The following KIF13A variants were observed in gnomAD, a reference collection of about 807,000 sequenced individuals.
KIF13A encodes kinesin family member 13A, also known as kinesin-like protein KIF13A.
A neutral mutation model predicts 212.2 loss-of-function variants in KIF13A; 79 were observed. The ratio of observed to expected loss-of-function variants is 0.37; its 90% CI spans 0.31 to 0.45. The LOEUF (loss-of-function observed/expected upper bound fraction) is 0.45. Among genes scored for constraint, KIF13A ranks in the 20% least tolerant of loss-of-function variants. KIF13A has a pLI of 1.00. For missense variants in KIF13A, 1,901 were observed against 2,209.0 expected, an observed-to-expected ratio of 0.86 and a Z score of 2.79; for synonymous variants, 789 against 808.6, an observed-to-expected ratio of 0.98 and a Z score of 0.41.
intron 4 of KIF13A, among the ~76,000 whole-genome samples, chr6:17,859,731 G>A (rs1487351804): frequency 1.3e-5 from 2 of 149,662 alleles, no homozygotes; most frequent in Non-Finnish European, 3.0e-5. Flanking sequence ...CACCTCTCGT[G>A]TTCAAGTGAT....
At chr6:17,803,968 C>T (rs1293339800) in intron 20 of KIF13A, among the ~76,000 whole-genome samples, 8 of 152,120 alleles carry the variant, frequency 5.3e-5, no homozygotes, top group Admixed American at 2.0e-4. Flanking sequence ...CTGGCTAACA[C>T]GGTGAAACCC....
At chr6:17,970,325 G>A (rs1157814585) in intron 2 of KIF13A, among the ~76,000 whole-genome samples, 1 of 152,042 alleles carries the variant, frequency 6.6e-6, no homozygotes, top group African/African-American at 2.4e-5. Flanking sequence ...AAGCAGGCCG[G>A]GCATGGTGAC....
At chr6:17,933,336 T>A (rs901307440) in intron 2 of KIF13A, among the ~76,000 whole-genome samples, 1 of 151,290 alleles carries the variant, frequency 6.6e-6, no homozygotes, top group Non-Finnish European at 1.5e-5. Flanking sequence ...AGCCTCAACC[T>A]CCTGAGCTCA....
Position 17,785,519 on chromosome 6 carries a change from C to A in KIF13A, c.3484G>T (p.Asp1162Tyr), listed in dbSNP as rs547479559. Residue 1162 changes from aspartate to tyrosine, a missense_variant, in exon 28 of 39, where the codon GAC becomes TAC. Coordinates refer to ENST00000259711, the MANE Select transcript of KIF13A (RefSeq NM_022113.6). This position sits in a 1 kb window ranked among gnomAD's most constrained non-coding sequence, Gnocchi z 5.8. Reference sequence around the variant, plus strand: ...CAGAAGGGAGGGCAGCCTTACCAGTCGGCAGGTGCCCCAGGAATCCCACTG... The same window carrying A: ...CAGAAGGGAGGGCAGCCTTACCAGTAGGCAGGTGCCCCAGGAATCCCACTG... ...PGSGIPGAPA[D>Y]WIPPPGMETH... 6.4e-7 allele frequency: 1 copy of A among 1,571,796 alleles called. No individual in the cohort carries two copies. The highest frequency in any genetic ancestry group is 1.2e-5 in the South Asian group (1 of 82,992).
At chr6:17,969,564 T>C (rs1295423601) in intron 2 of KIF13A, among the ~76,000 whole-genome samples, 1 of 152,254 alleles carries the variant, frequency 6.6e-6, no homozygotes, top group African/African-American at 2.4e-5. Context: ...ACTTTTATTT[T>C]TCTTCCTGAG....
chr6:17,850,294 C>T lies in KIF13A; in HGVS notation c.717+29G>A. The T allele has an allele frequency of 6.3e-7, 1 of 1,581,448 alleles. No individual in the cohort carries two copies. The highest frequency in any genetic ancestry group is 8.6e-7 in the Non-Finnish European group (1 of 1,160,904). ...GACACTTTCAGTTCTTCCACCCCCA[C>T]TCCAAAAAGGTTCTGCCTAATCCCT... On this transcript the variant is annotated intron_variant, in intron 8 of 38. Transcript: ENST00000259711. The surrounding 1 kb of genome is among the most constrained non-coding windows in gnomAD (Gnocchi z 6.2).
At chr6:17,796,483 C>T (rs1177299403) in intron 23 of KIF13A, among the ~76,000 whole-genome samples, 186 bp downstream of exon 23, 7 of 151,180 alleles carry the variant, frequency 4.6e-5, no homozygotes, top group African/African-American at 1.5e-4. Flanking sequence ...CCTCATGATC[C>T]GTCTGCCTTG....
rs1366661094 is a variant in KIF13A at position 17,900,934 on chromosome 6, C to T, written c.147-2754G>A. 9.2e-5 allele frequency among the ~76,000 whole-genome samples: 14 copies of T among 151,952 alleles called. No individual in the cohort carries two copies. The highest frequency in any genetic ancestry group is 2.7e-4 in the African/African-American group (11 of 41,438). On this transcript the variant is annotated intron_variant, in intron 2 of 38. Transcript: ENST00000259711. The surrounding 1 kb of genome is among the most constrained non-coding windows in gnomAD (Gnocchi z 4.6). ...TCTACTAAAAATACAAAAAATTAGC[C>T]GGGCGTGGTGGCGGGTGCCTGTAGT...
chr6:17,870,761 T>C (rs1252559681), intron 4 of KIF13A, among the ~76,000 whole-genome samples: 2 of 150,852 alleles, frequency 1.3e-5, no homozygotes, highest in Non-Finnish European at 2.9e-5. Flanking sequence ...AATCTTAACT[T>C]TGCAGCTGGG....
intron 4 of KIF13A, among the ~76,000 whole-genome samples, chr6:17,865,337 A>AAC (rs1198595911): frequency 1.3e-5 from 2 of 151,256 alleles, no homozygotes; most frequent in Admixed American, 6.6e-5. Context: ...AAAAAAAAAA[A>AAC]ATAAAGGCTG....
intron 16 of KIF13A, among the ~76,000 whole-genome samples, chr6:17,821,343 T>A (rs114439223): frequency 0.017 from 2,580 of 152,286 alleles, 83 homozygotes; most frequent in African/African-American, 0.058. Flanking sequence ...ACTAAAAAAA[T>A]ACATTAATCT....
At chr6:17,965,755 C>G (rs1779248522) in intron 2 of KIF13A, among the ~76,000 whole-genome samples, 1 of 152,184 alleles carries the variant, frequency 6.6e-6, no homozygotes. Context: ...ATAGATAACA[C>G]ATTATCTTTA....
chr6:17,791,903 A>AT (rs1761597319), intron 25 of KIF13A, among the ~76,000 whole-genome samples: 1 of 146,970 alleles, frequency 6.8e-6, no homozygotes, highest in South Asian at 2.2e-4. Context: ...CTCTGTCTCA[A>AT]AAAAAAAAAA....
chr6:17,898,036 G>C lies in KIF13A; in HGVS notation c.159+132C>G, dbSNP rs1772719930. The C allele has an allele frequency of 4.1e-6, 3 of 739,578 alleles. No homozygotes were observed. The East Asian group carries it at 8.2e-5, about 20-fold the overall frequency. The allele number at this position is 739,578 out of a possible 1,614,324, so 45.8% of individuals were successfully genotyped here. A position where few individuals can be genotyped will look rare whatever the true frequency, so the allele number is the denominator to read the frequency against. On this transcript the variant is annotated intron_variant, in intron 3 of 38. Transcript: ENST00000259711. This position sits in a 1 kb window ranked among gnomAD's most constrained non-coding sequence, Gnocchi z 5.2. ...GTTAACACTGATATTAATTGTTCAT[G>C]ATGTGAGTTTTAAATTAGGATGCTG...
At chr6:17,972,837 A>G (rs950883305) in intron 2 of KIF13A, among the ~76,000 whole-genome samples, 115 of 150,486 alleles carry the variant, frequency 7.6e-4, no homozygotes, top group African/African-American at 2.6e-3. Flanking sequence ...GAGTGAGAAA[A>G]AAAAAAAAAA....
chr6:17,802,942 G>T (rs9396807), intron 20 of KIF13A, among the ~76,000 whole-genome samples: 103,875 of 133,588 alleles, frequency 0.78, 37,924 homozygotes, highest in East Asian at 0.82. Context: ...GTTTTTTTTT[G>T]TTTTGTTTTG....
chr6:17,782,626 C>T (rs1381271404), intron 29 of KIF13A, among the ~76,000 whole-genome samples: 1 of 115,642 alleles, frequency 8.6e-6, no homozygotes, highest in East Asian at 2.4e-4. Context: ...CAGAGTGAGA[C>T]TCTGTCTCAA....
intron 2 of KIF13A, among the ~76,000 whole-genome samples, chr6:17,972,425 A>C (rs1779882806): frequency 6.6e-6 from 1 of 152,258 alleles, no homozygotes; most frequent in Admixed American, 6.5e-5. Context: ...CTGCAAGCTC[A>C]GCTATAAATC....
chr6:17,945,698 T>C (rs1367509433), intron 2 of KIF13A, among the ~76,000 whole-genome samples: 1 of 152,210 alleles, frequency 6.6e-6, no homozygotes, highest in Non-Finnish European at 1.5e-5. Context: ...CATTGAACTA[T>C]GTGTCCAGTG....
Sources: allele counts gnomAD v4.1 joint callset (sites outside exome capture counted in the v4.1 genomes callset), GRCh38; gene constraint gnomAD v4.1.1; non-coding constraint Gnocchi (gnomAD v3.1); transcripts MANE v1.5; gene names NCBI Gene and HGNC (gene_info 2026-07-23, HGNC 2026-07-21).